Variants in CLVS1 observed in about 807,000 individuals in gnomAD.
The protein encoded by CLVS1 is clavesin 1.
A neutral mutation model predicts 33.1 loss-of-function variants in CLVS1; 10 were observed. The ratio of observed to expected loss-of-function variants is 0.30; its 90% CI spans 0.19 to 0.51. The LOEUF (loss-of-function observed/expected upper bound fraction) is 0.51. Among genes scored for constraint, CLVS1 ranks in the 20% least tolerant of loss-of-function variants. The pLI, the probability that CLVS1 is intolerant of heterozygous loss-of-function variation, is 0.97. For missense variants in CLVS1, 343 were observed against 433.4 expected, an observed-to-expected ratio of 0.79 and a Z score of 1.85; for synonymous variants, 163 against 166.1, an observed-to-expected ratio of 0.98 and a Z score of 0.14.
chr8:61,125,279 C>T (rs974908204), intron 1 of CLVS1, among the ~76,000 whole-genome samples: 2 of 152,104 alleles, frequency 1.3e-5, no homozygotes, highest in Non-Finnish European at 2.9e-5. Context: ...TGTTTGTGTC[C>T]TCCATGGCGC....
intron 2 of CLVS1, among the ~76,000 whole-genome samples, chr8:61,274,344 G>T (rs1809523619): frequency 6.6e-6 from 1 of 152,054 alleles, no homozygotes; most frequent in South Asian, 2.1e-4. Context: ...CATTGATGCT[G>T]AATATACTCA....
At chr8:61,465,246 A>G (rs886431939) in intron 5 of CLVS1, 3 of 152,230 alleles carry the variant, frequency 2.0e-5, no homozygotes, top group African/African-American at 4.8e-5. Context: ...AGTTCCCTAC[A>G]TGCTTCAGGT....
At chr8:61,484,308 CAGAG>C (rs1303185292) in intron 5 of CLVS1, among the ~76,000 whole-genome samples, 1 of 152,122 alleles carries the variant, frequency 6.6e-6, no homozygotes, top group African/African-American at 2.4e-5. Context: ...AACAGACAAA[CAGAG>C]AGCCAAATCA....
At chr8:61,145,545 T>C (rs1277704772) in intron 2 of CLVS1, among the ~76,000 whole-genome samples, 1 of 152,226 alleles carries the variant, frequency 6.6e-6, no homozygotes. Context: ...GCCAGGTCCT[T>C]GGGGGCATCT....
At chr8:61,034,034 A>G in the CLVS1 span, among the ~76,000 whole-genome samples, 1 of 152,136 alleles carries the variant, frequency 6.6e-6, no homozygotes, top group African/African-American at 2.4e-5. Context: ...GGGAGAGGCC[A>G]GGACCAGATC....
chr8:61,336,104 T>A (rs1811789773), intron 2 of CLVS1, among the ~76,000 whole-genome samples: 1 of 152,098 alleles, frequency 6.6e-6, no homozygotes, highest in South Asian at 2.1e-4. Flanking sequence ...CACTCTACGC[T>A]GCTAACCTGG....
At chr8:61,325,381 GC>G (rs1422163175) in intron 2 of CLVS1, among the ~76,000 whole-genome samples, 1 of 152,112 alleles carries the variant, frequency 6.6e-6, no homozygotes, top group Non-Finnish European at 1.5e-5. Context: ...ACCTATGTTT[GC>G]AGCTGAGTAG....
At chr8:61,076,487 A>G (rs146973063) in intron 1 of CLVS1, among the ~76,000 whole-genome samples, 55 of 152,308 alleles carry the variant, frequency 3.6e-4, no homozygotes, top group African/African-American at 1.2e-3. Flanking sequence ...TGACTATCTA[A>G]CATATCAGGG....
chr8:60,972,111 G>C, the CLVS1 span, among the ~76,000 whole-genome samples: 7 of 152,172 alleles, frequency 4.6e-5, no homozygotes, highest in South Asian at 1.2e-3. Context: ...TGGCCTCTCT[G>C]TCTCTGTCTT....
chr8:61,253,532 A>G (rs547592840), intron 2 of CLVS1, among the ~76,000 whole-genome samples: 18 of 152,222 alleles, frequency 1.2e-4, no homozygotes, highest in Non-Finnish European at 2.2e-4. Flanking sequence ...ACTTGGTTCC[A>G]TTCTCCCTGT....
intron 1 of CLVS1, among the ~76,000 whole-genome samples, chr8:61,076,138 T>C (rs115426421): frequency 0.012 from 1,780 of 152,258 alleles, 33 homozygotes; most frequent in African/African-American, 0.04. Context: ...TACAAATGTC[T>C]TTCTTCTTTC....
At chr8:61,323,044 G>A (rs1302585959) in intron 2 of CLVS1, among the ~76,000 whole-genome samples, 1 of 152,098 alleles carries the variant, frequency 6.6e-6, no homozygotes, top group East Asian at 1.9e-4. Context: ...AACACGAACT[G>A]TCTCAGCTAT....
intron 5 of CLVS1, among the ~76,000 whole-genome samples, chr8:61,498,573 T>C (rs1804349359): frequency 1.3e-5 from 2 of 152,250 alleles, no homozygotes; most frequent in South Asian, 4.1e-4. Context: ...ATTCATATTA[T>C]AAACTTCTTA....
chr8:61,090,947 G>A (rs1295018755), intron 1 of CLVS1: 6 of 517,192 alleles, frequency 1.2e-5, no homozygotes, highest in African/African-American at 3.9e-5. Context: ...GAATCTTTAA[G>A]GATCAGAGGG....
intron 2 of CLVS1, among the ~76,000 whole-genome samples, chr8:61,348,614 T>A (rs937167939): frequency 6.6e-6 from 1 of 151,568 alleles, no homozygotes; most frequent in Non-Finnish European, 1.5e-5. Context: ...TCTTTATCAG[T>A]TTATCTACTG....
intron 5 of CLVS1, among the ~76,000 whole-genome samples, chr8:61,487,424 G>A (rs1803924203): frequency 6.6e-6 from 1 of 152,220 alleles, no homozygotes; most frequent in African/African-American, 2.4e-5. Context: ...GAGCTAGTAG[G>A]TGGCAAAATA....
intron 2 of CLVS1, among the ~76,000 whole-genome samples, chr8:61,142,562 A>G (rs1174582956): frequency 6.6e-6 from 1 of 152,254 alleles, no homozygotes; most frequent in Admixed American, 6.5e-5. Flanking sequence ...TCTTGCCATC[A>G]CAGATAAAGC....
intron 2 of CLVS1, among the ~76,000 whole-genome samples, chr8:61,235,394 A>G (rs1808534647): frequency 6.6e-6 from 1 of 152,234 alleles, no homozygotes; most frequent in Admixed American, 6.5e-5. Context: ...CAAATCACAG[A>G]TGCACTTACC....
At chr8:61,416,889 C>T (rs1260326988) in intron 3 of CLVS1, among the ~76,000 whole-genome samples, 1 of 152,176 alleles carries the variant, frequency 6.6e-6, no homozygotes, top group East Asian at 1.9e-4. Flanking sequence ...AAAGTTCCGT[C>T]AGCCAGAATT....
Sources: gnomAD v4.1 joint callset for allele counts (sites outside exome capture counted in the v4.1 genomes callset) on GRCh38, gnomAD v4.1.1 for gene constraint, MANE v1.5 for transcripts, NCBI Gene and HGNC (gene_info 2026-07-23, HGNC 2026-07-21) for gene names.